The following ZNF469 variants were observed in gnomAD, a reference collection of about 807,000 sequenced individuals.
ZNF469 encodes the protein zinc finger protein 469.
Under a neutral mutation model 1.0 loss-of-function variants are expected in ZNF469, and 1 was observed. The ratio of observed to expected loss-of-function variants is 1.00; its 90% CI spans 0.35 to 4.73. ZNF469 has a LOEUF of 4.73. Ranked by LOEUF, ZNF469 falls within the 30% of genes most tolerant of loss-of-function variation. The probability of loss-of-function intolerance (pLI) is 0.16; values close to 1 mark genes in which losing one functional copy is unlikely to be tolerated. For missense variants in ZNF469, 6,100 were observed against 5,356.3 expected, an observed-to-expected ratio of 1.14 and a Z score of -4.33; for synonymous variants, 2,703 against 2,363.4, an observed-to-expected ratio of 1.14 and a Z score of -4.17.
chr16:88,430,958 C>T lies in ZNF469; in HGVS notation c.3488C>T (p.Pro1163Leu), dbSNP rs1255735742. The change falls in exon 3 of 3, where the codon CCG (proline) becomes CTG (leucine). Residue 1163 changes from proline to leucine, a missense_variant. By Grantham distance (98) the Pro-to-Leu change is moderately conservative. Transcript: ENST00000565624. Reference sequence around the variant, plus strand: ...CCCGAGGAGCCGGGCGGGTCTCGCCCGGGCCCCGGCAGGAGCCCTCAGGCC... The same window carrying T: ...CCCGAGGAGCCGGGCGGGTCTCGCCTGGGCCCCGGCAGGAGCCCTCAGGCC... ...ANPEEPGGSRPGPGRSPQARG... is the reference protein window; with the variant it reads ...ANPEEPGGSRLGPGRSPQARG... 1.0e-5 allele frequency: 16 copies of T among 1,535,632 alleles called. No individual in the cohort carries two copies. The highest frequency in any genetic ancestry group is 2.0e-5 in the Admixed American group (1 of 50,264).
At chr16:88,190,727 T>A in the ZNF469 span, among the ~76,000 whole-genome samples, 1 of 152,224 alleles carries the variant, frequency 6.6e-6, no homozygotes, top group East Asian at 1.9e-4. Context: ...AGGAGGGTGT[T>A]GGCTTGAACT....
At chr16:88,167,459 C>T in the ZNF469 span, among the ~76,000 whole-genome samples, 2 of 152,192 alleles carry the variant, frequency 1.3e-5, no homozygotes, top group African/African-American at 2.4e-5. Context: ...ACACCGACCA[C>T]GTCCACCTGG....
At chr16:88,351,643 C>T in the ZNF469 span, among the ~76,000 whole-genome samples, 6 of 152,196 alleles carry the variant, frequency 3.9e-5, no homozygotes, top group African/African-American at 2.4e-5. Context: ...CTGTGGCGGC[C>T]GCCCTGGGCT....
At chr16:88,346,027 C>T in the ZNF469 span, among the ~76,000 whole-genome samples, 1 of 152,222 alleles carries the variant, frequency 6.6e-6, no homozygotes, top group East Asian at 1.9e-4. Context: ...AGGTGGGGCT[C>T]TGGACCGGGT....
the ZNF469 span, among the ~76,000 whole-genome samples, chr16:88,169,689 G>A: frequency 3.3e-5 from 5 of 152,220 alleles, no homozygotes; most frequent in African/African-American, 1.2e-4. This position sits in a 1 kb window ranked among gnomAD's most constrained non-coding sequence, Gnocchi z 6.1. Flanking sequence ...CGGCCTTCGT[G>A]CTTACATTGG....
chr16:88,428,006 G>C lies in ZNF469; in HGVS notation c.536G>C (p.Gly179Ala), dbSNP rs760014906. The change falls in exon 3 of 3, where the codon GGC becomes GCC. Residue 179 changes from glycine to alanine, a missense_variant. Transcript: ENST00000565624. ...TEAQPAAEELGFHRCFQEPPS... is the reference protein window; with the variant it reads ...TEAQPAAEELAFHRCFQEPPS... ...GCCCAACCCGCCGCCGAAGAGCTTG[G>C]CTTCCACAGGTGCTTCCAGGAGCCA... The C allele has an allele frequency of 2.9e-5, 45 of 1,549,830 alleles. No homozygotes were observed. Among genetic ancestry groups the C allele is most frequent in the Non-Finnish European group, 3.7e-5 (42 of 1,146,880 alleles).
chr16:88,299,825 G>A, the ZNF469 span, among the ~76,000 whole-genome samples: 173 of 152,340 alleles, frequency 1.1e-3, no homozygotes, highest in African/African-American at 4.0e-3. Context: ...TGAGCAGGAT[G>A]GACTTCTCCA....
the ZNF469 span, among the ~76,000 whole-genome samples, chr16:88,148,230 C>T: frequency 1.6e-4 from 24 of 152,260 alleles, no homozygotes; most frequent in Admixed American, 9.8e-4. Flanking sequence ...GGGGCAGAGG[C>T]GTGTGGTGTT....
chr16:88,347,137 G>T, the ZNF469 span, among the ~76,000 whole-genome samples: 1 of 152,162 alleles, frequency 6.6e-6, no homozygotes, highest in African/African-American at 2.4e-5. Context: ...GCTTCCCTGG[G>T]AGCAGGATGC....
the ZNF469 span, among the ~76,000 whole-genome samples, chr16:88,188,316 A>G: frequency 2.0e-5 from 3 of 151,990 alleles, no homozygotes; most frequent in African/African-American, 7.2e-5. Context: ...CTTGGGTAGC[A>G]TCTAGCACAT....
chr16:88,323,685 T>C, the ZNF469 span, among the ~76,000 whole-genome samples: 50 of 152,208 alleles, frequency 3.3e-4, no homozygotes, highest in Non-Finnish European at 6.0e-4. Context: ...GGGCTGCCAC[T>C]GAGTGGCAGA....
At chr16:88,410,530 ACGGTG>A in intron 1 of ZNF469, among the ~76,000 whole-genome samples, 1 of 148,342 alleles carries the variant, frequency 6.7e-6, no homozygotes, top group East Asian at 2.0e-4. Flanking sequence ...GGAGAAGTTC[ACGGTG>A]CAGGTCACAC....
chr16:88,279,361 T>C, the ZNF469 span, among the ~76,000 whole-genome samples: 2 of 132,956 alleles, frequency 1.5e-5, no homozygotes, highest in Admixed American at 7.7e-5. Flanking sequence ...TGCTACGCCA[T>C]GCTGACGCTC....
At chr16:88,258,045 C>G in the ZNF469 span, among the ~76,000 whole-genome samples, 1 of 152,216 alleles carries the variant, frequency 6.6e-6, no homozygotes, top group African/African-American at 2.4e-5. Flanking sequence ...TATAAAATAG[C>G]TAAATGTGCA....
At chr16:88,407,266 C>T (rs1369491504) in intron 1 of ZNF469, among the ~76,000 whole-genome samples, 4 of 105,862 alleles carry the variant, frequency 3.8e-5, no homozygotes, top group Admixed American at 3.3e-4. Flanking sequence ...GCTGCGTCCA[C>T]ACTTCCAGGG....
chr16:88,427,292 G>A (rs1905753097), intron 2 of ZNF469, among the ~76,000 whole-genome samples, 53 bp from the exon 3 acceptor site: 1 of 152,262 alleles, frequency 6.6e-6, no homozygotes, highest in African/African-American at 2.4e-5. Flanking sequence ...TCCCTGTCTA[G>A]GCGAGGGCCA....
chr16:88,287,413 C>A, the ZNF469 span, among the ~76,000 whole-genome samples: 1 of 152,212 alleles, frequency 6.6e-6, no homozygotes, highest in Non-Finnish European at 1.5e-5. Context: ...ACAACCGCAC[C>A]AGCGGAGCCC....
chr16:88,171,686 T>C, the ZNF469 span, among the ~76,000 whole-genome samples: 3 of 152,216 alleles, frequency 2.0e-5, no homozygotes, highest in Admixed American at 1.3e-4. Flanking sequence ...AGTTTATAAA[T>C]GGGTGGAAGA....
At chr16:88,228,641 G>A in the ZNF469 span, among the ~76,000 whole-genome samples, 1 of 152,282 alleles carries the variant, frequency 6.6e-6, no homozygotes, top group East Asian at 1.9e-4. Flanking sequence ...TGAGAAATTT[G>A]GAAAACACAT....
Sources: gnomAD v4.1 joint callset for allele counts (sites outside exome capture counted in the v4.1 genomes callset) on GRCh38, gnomAD v4.1.1 for gene constraint, Gnocchi (gnomAD v3.1) non-coding constraint, MANE v1.5 for transcripts, NCBI Gene and HGNC (gene_info 2026-07-23, HGNC 2026-07-21) for gene names.